Variants in ANKRD55 observed in about 807,000 individuals in gnomAD.
The protein encoded by ANKRD55 is ankyrin repeat domain 55.
ANKRD55 carries 41 observed loss-of-function variants against 60.6 expected under a neutral mutation model. The ratio of observed to expected loss-of-function variants is 0.68; its 90% CI spans 0.53 to 0.88. The LOEUF is 0.88. Among genes scored for constraint, ANKRD55 ranks in the 40% least tolerant of loss-of-function variants. ANKRD55 has a pLI of 0.00. For synonymous variants in ANKRD55, 264 were observed against 290.3 expected (o/e 0.91, Z 0.92); for missense variants, 732 against 767.6 (o/e 0.95, Z 0.55).
intron 6 of ANKRD55, among the ~76,000 whole-genome samples, chr5:56,151,126 G>T (rs1758031569): frequency 6.6e-6 from 1 of 152,122 alleles, no homozygotes; most frequent in Non-Finnish European, 1.5e-5. Context: ...CCAAAGGGCT[G>T]GGATTACAGG....
chr5:56,188,750 T>G (rs1255876194), intron 2 of ANKRD55, among the ~76,000 whole-genome samples: 1 of 152,242 alleles, frequency 6.6e-6, no homozygotes, highest in African/African-American at 2.4e-5. Context: ...TCAAGTAATG[T>G]GATGCCTCCA....
chr5:56,158,998 T>C (rs1372373630), intron 6 of ANKRD55, among the ~76,000 whole-genome samples: 4 of 151,988 alleles, frequency 2.6e-5, no homozygotes, highest in Admixed American at 1.3e-4. Context: ...AGTCTTGTCA[T>C]TGTTTTCCTT....
At chr5:56,127,254 AAT>A in intron 7 of ANKRD55, 148 bp from the exon 8 acceptor site, 1 of 1,309,012 alleles carries the variant, frequency 7.6e-7, no homozygotes, top group Non-Finnish European at 9.7e-7. Context: ...GAAAAAAAAG[AAT>A]AAAAATACAC....
intron 8 of ANKRD55, among the ~76,000 whole-genome samples, chr5:56,124,912 G>A (rs541743697): frequency 6.6e-6 from 1 of 152,214 alleles, no homozygotes; most frequent in Non-Finnish European, 1.5e-5. Flanking sequence ...GATTTGATCA[G>A]TACATGAGGC....
chr5:56,112,128 C>T (rs1296804928), intron 9 of ANKRD55, among the ~76,000 whole-genome samples: 1 of 152,116 alleles, frequency 6.6e-6, no homozygotes, highest in Non-Finnish European at 1.5e-5. Context: ...GTTGTTCTCA[C>T]ATCTCAAGGA....
chr5:56,226,593 C>T (rs1037891429), intron 2 of ANKRD55, among the ~76,000 whole-genome samples: 21 of 151,052 alleles, frequency 1.4e-4, no homozygotes, highest in Non-Finnish European at 2.2e-4. Context: ...ACTCATCTGA[C>T]GAAGGGCTAA....
chr5:56,156,870 A>G (rs1758205579), intron 6 of ANKRD55: 1 of 152,302 alleles, frequency 6.6e-6, no homozygotes, highest in Admixed American at 6.5e-5. Context: ...TGATGTGGTC[A>G]TTAATGCTAG....
chr5:56,215,119 C>T (rs1759771406), intron 2 of ANKRD55, among the ~76,000 whole-genome samples: 2 of 151,738 alleles, frequency 1.3e-5, no homozygotes, highest in Admixed American at 6.6e-5. Flanking sequence ...TTTTGTGTGA[C>T]CTTGTTTACA....
intron 6 of ANKRD55, among the ~76,000 whole-genome samples, chr5:56,155,545 CG>C (rs2111784227): frequency 6.6e-6 from 1 of 152,212 alleles, no homozygotes; most frequent in East Asian, 1.9e-4. Context: ...GATAACAACT[CG>C]GTCTCAGTTT....
intron 2 of ANKRD55, among the ~76,000 whole-genome samples, chr5:56,200,406 C>T (rs930608469): frequency 5.9e-5 from 9 of 151,768 alleles, no homozygotes; most frequent in Middle Eastern, 3.4e-3. Context: ...CATTTCTTTC[C>T]TTCATTTTTC....
At chr5:56,112,511 A>AAAAAAAAAAAAAAAAAAAAAAACAAAAAC in intron 9 of ANKRD55, among the ~76,000 whole-genome samples, 3 of 81,524 alleles carry the variant, frequency 3.7e-5, no homozygotes, top group African/African-American at 1.6e-4. Flanking sequence ...TAGCAAAAAA[A>AAAAAAAAAAAAAAAAAAAAAAACAAAAAC]AAAAAAAAAA....
chr5:56,108,940 G>C (rs1756580386), intron 10 of ANKRD55, among the ~76,000 whole-genome samples: 1 of 152,106 alleles, frequency 6.6e-6, no homozygotes, highest in African/African-American at 2.4e-5. Flanking sequence ...GGGAGGCTGA[G>C]GCAGGAGAAT....
At chr5:56,180,776 C>G (rs1231593864) in intron 3 of ANKRD55, among the ~76,000 whole-genome samples, 1 of 152,198 alleles carries the variant, frequency 6.6e-6, no homozygotes, top group Non-Finnish European at 1.5e-5. Context: ...AAAATAAAAT[C>G]TATGTCTTGT....
intron 2 of ANKRD55, among the ~76,000 whole-genome samples, chr5:56,196,659 T>C (rs1020429211): frequency 6.6e-6 from 1 of 152,212 alleles, no homozygotes; most frequent in Non-Finnish European, 1.5e-5. Context: ...CCATTTTTAT[T>C]TATATGATAT....
intron 3 of ANKRD55, among the ~76,000 whole-genome samples, chr5:56,180,644 C>T (rs898074396): frequency 7.2e-5 from 11 of 152,148 alleles, no homozygotes; most frequent in African/African-American, 2.7e-4. Context: ...TTATAGTTTT[C>T]AACATACAAG....
chr5:56,111,479 C>G lies in ANKRD55; in HGVS notation c.1269G>C (p.Pro423=), dbSNP rs759022770. ...NSKYLLPEKK[P]LARKGLPPIR... ...TTGGTGGAAGCCCCTTACGGGCCAG[C>G]GGTTTCTTTTCTGGTAAGAGATATT... The change falls in exon 10 of 12, where the codon CCG becomes CCC. Residue 423 remains proline (P), a synonymous_variant. Transcript: ENST00000341048. 1 of 1,614,056 alleles carries G rather than the reference C, an allele frequency of 6.2e-7. No homozygotes were observed.
chr5:56,208,447 CAG>C (rs535439992), intron 2 of ANKRD55, among the ~76,000 whole-genome samples: 1 of 151,680 alleles, frequency 6.6e-6, no homozygotes, highest in East Asian at 1.9e-4. Flanking sequence ...TTATTTTTGA[CAG>C]AGTCTCACTC....
intron 2 of ANKRD55, among the ~76,000 whole-genome samples, chr5:56,186,883 G>A (rs534178453): frequency 6.6e-6 from 1 of 152,300 alleles, no homozygotes; most frequent in East Asian, 1.9e-4. Flanking sequence ...GATGCTGGTG[G>A]TATCACTTCA....
At chr5:56,225,084 A>G (rs1019037937) in intron 2 of ANKRD55, among the ~76,000 whole-genome samples, 6 of 152,372 alleles carry the variant, frequency 3.9e-5, no homozygotes, top group African/African-American at 1.4e-4. Flanking sequence ...AAAATCCTCA[A>G]TAAAATACTG....
Sources: allele counts gnomAD v4.1 joint callset (sites outside exome capture counted in the v4.1 genomes callset), GRCh38; gene constraint gnomAD v4.1.1; transcripts MANE v1.5; gene names NCBI Gene and HGNC (gene_info 2026-07-23, HGNC 2026-07-21).